Variants in GPR55 observed in about 807,000 individuals in gnomAD.
GPR55 encodes the protein G-protein coupled receptor 55.
GPR55 carries 6 observed loss-of-function variants against 7.9 expected under a neutral mutation model. That is an observed-to-expected ratio of 0.76 (90% CI 0.41 to 1.49). The LOEUF is 1.49. Ranked by LOEUF, GPR55 falls within the 40% of genes most tolerant of loss-of-function variation. The pLI, the probability that GPR55 is intolerant of heterozygous loss-of-function variation, is 0.01. For missense variants in GPR55, 376 were observed against 406.0 expected, an observed-to-expected ratio of 0.93 and a Z score of 0.63; for synonymous variants, 183 against 166.8, an observed-to-expected ratio of 1.10 and a Z score of -0.75.
chr2:230,924,177 C>T lies in GPR55; in HGVS notation c.-135+991G>A, dbSNP rs1411357866. Among the ~76,000 whole-genome samples the T allele has an allele frequency of 6.6e-6, 1 of 152,184 alleles. No individual in the cohort carries two copies. Among genetic ancestry groups the T allele is most frequent in the Non-Finnish European group, 1.5e-5 (1 of 68,032 alleles). ...ACATACAGTTTGTCGTTGGGAAGGT[C>T]TTATTGCATGAAAGAGGGGGTGAAG... On this transcript the variant is annotated intron_variant, in intron 1 of 1. Transcript: ENST00000650999. The surrounding 1 kb of genome is among the most constrained non-coding windows in gnomAD (Gnocchi z 4.5).
Position 230,924,942 on chromosome 2 carries a change from C to T in GPR55, c.-135+226G>A, listed in dbSNP as rs908269606. Among the ~76,000 whole-genome samples, 3 of 152,094 alleles carry T rather than the reference C, an allele frequency of 2.0e-5. No individual in the cohort carries two copies. The highest frequency in any genetic ancestry group is 4.8e-5 in the African/African-American group (2 of 41,398). ...TTCGTAGAAAAATGTCACTCGTAAT[C>T]GGGGACAAACCAGGTCTGCCTGCCG... On this transcript the variant is annotated intron_variant, in intron 1 of 1. Transcript: ENST00000650999. The surrounding 1 kb of genome is among the most constrained non-coding windows in gnomAD (Gnocchi z 4.5).
At chr2:230,938,516 T>C (rs976010207) in intron 1 of GPR55, among the ~76,000 whole-genome samples, 1 of 152,202 alleles carries the variant, frequency 6.6e-6, no homozygotes, top group Non-Finnish European at 1.5e-5. Flanking sequence ...TAGAAAAATA[T>C]TGGTATTTCC....
rs1333239560 is a variant in GPR55 at position 230,925,155 on chromosome 2, C to G, written c.-135+13G>C. The G allele has an allele frequency of 1.3e-5, 2 of 152,718 alleles. No homozygotes were observed. Among genetic ancestry groups the G allele is most frequent in the African/African-American group, 4.8e-5 (2 of 41,420 alleles). The allele number at this position is 152,718 out of a possible 1,614,324, so 9.5% of individuals were successfully genotyped here. ...CGTGCCTTAGTTTCTCTAAATGGCC[C>G]AGAGGCTGTTACCTGTTGGTGGTCC... On this transcript the variant is annotated intron_variant, in intron 1 of 1. Transcript: ENST00000650999.
upstream of GPR55, among the ~76,000 whole-genome samples, chr2:230,927,747 CTG>C (rs1690966763): frequency 6.6e-6 from 1 of 152,246 alleles, no homozygotes; most frequent in Admixed American, 6.5e-5. Flanking sequence ...GTGAATCTGA[CTG>C]TGTTTATCAA....
chr2:230,951,678 C>G (rs1691405288), intron 1 of GPR55, among the ~76,000 whole-genome samples: 1 of 152,054 alleles, frequency 6.6e-6, no homozygotes, highest in Non-Finnish European at 1.5e-5. Flanking sequence ...ATCTTGACAA[C>G]TGAGGGTAAG....
chr2:230,936,068 A>G (rs1354593323), intron 1 of GPR55, among the ~76,000 whole-genome samples: 6 of 152,204 alleles, frequency 3.9e-5, no homozygotes, highest in Non-Finnish European at 7.3e-5. Context: ...AATATTAAAG[A>G]GGTTGGCAGA....
Position 230,909,031 on chromosome 2 carries a change from A to G in GPR55, c.*972T>C, listed in dbSNP as rs1037911324. The stretch of plus-strand genomic sequence containing the variant: ...AAGACAGCACCTCCTCCACCCTCCT[A>G]TGGTGGAACCAAGGCAGGCCTGATT... On this transcript the variant is annotated 3_prime_UTR_variant, in exon 2 of 2. Coordinates refer to ENST00000650999, the MANE Select transcript of GPR55 (RefSeq NM_005683.4). 1 of 152,192 alleles carries G rather than the reference A, an allele frequency of 6.6e-6. No individual in the cohort carries two copies. The highest frequency in any genetic ancestry group is 2.4e-5 in the African/African-American group (1 of 41,438). 9.4% of individuals were successfully genotyped at this position (152,192 alleles called of 1,614,324 possible).
chr2:230,959,420 G>A (rs1301119357), intron 1 of GPR55, among the ~76,000 whole-genome samples: 2 of 152,122 alleles, frequency 1.3e-5, no homozygotes, highest in Admixed American at 6.5e-5. Flanking sequence ...CTGCACTCCA[G>A]CCTGGGCAAC....
chr2:230,909,892 C>T lies in GPR55; in HGVS notation c.*111G>A. On this transcript the variant is annotated 3_prime_UTR_variant, in exon 2 of 2. Transcript: ENST00000650999. ...ACTCAATGGGCATCAAAGGGAAGCA[C>T]ATCAGTGAAGATGGTGCGGATCATC... 9.0e-7 allele frequency: 1 copy of T among 1,105,450 alleles called. No homozygotes were observed. The highest frequency in any genetic ancestry group is 1.3e-6 in the Non-Finnish European group (1 of 758,406). The allele number at this position is 1,105,450 out of a possible 1,614,324, so 68.5% of individuals were successfully genotyped here. A position where few individuals can be genotyped will look rare whatever the true frequency, so the allele number is the denominator to read the frequency against.
intron 1 of GPR55, among the ~76,000 whole-genome samples, chr2:230,931,588 G>T (rs182654766): frequency 6.6e-6 from 1 of 152,104 alleles, no homozygotes; most frequent in Non-Finnish European, 1.5e-5. Flanking sequence ...TTGGCAACTC[G>T]CCTGATAAGC....
chr2:230,931,202 A>G (rs1420266241), intron 1 of GPR55, among the ~76,000 whole-genome samples: 1 of 152,210 alleles, frequency 6.6e-6, no homozygotes, highest in African/African-American at 2.4e-5. Flanking sequence ...CTCCACCCCA[A>G]GTCCTCCCGA....
intron 1 of GPR55, among the ~76,000 whole-genome samples, chr2:230,934,924 C>G (rs1224656541): frequency 1.3e-5 from 2 of 152,112 alleles, no homozygotes; most frequent in Admixed American, 1.3e-4. Context: ...CCCCCACCCC[C>G]ACCCAGGACC....
chr2:230,929,707 A>G (rs1280854729), upstream of GPR55: 1 of 152,212 alleles, frequency 6.6e-6, no homozygotes, highest in Non-Finnish European at 1.5e-5. Flanking sequence ...TTCAAATGCA[A>G]TGGTTGTCTT....
intron 1 of GPR55, among the ~76,000 whole-genome samples, chr2:230,934,596 C>T (rs1447957598): frequency 1.3e-5 from 2 of 152,220 alleles, no homozygotes; most frequent in Non-Finnish European, 2.9e-5. Flanking sequence ...CCGGGGCCCA[C>T]TCCATGCTGA....
intron 1 of GPR55, among the ~76,000 whole-genome samples, chr2:230,943,724 C>CCT (rs142894957): frequency 0.019 from 2,844 of 152,222 alleles, 83 homozygotes; most frequent in African/African-American, 0.065. Context: ...TTGGTGCTGT[C>CCT]CTCTCAGCAG....
At chr2:230,919,703 G>C (rs571673243) in intron 1 of GPR55, among the ~76,000 whole-genome samples, 1 of 152,242 alleles carries the variant, frequency 6.6e-6, no homozygotes, top group South Asian at 2.1e-4. Context: ...AAGAAAAATT[G>C]TGTACAAAAA....
chr2:230,910,636 G>A lies in GPR55; in HGVS notation c.327C>T (p.Val109=), dbSNP rs376341001. The A allele has an allele frequency of 2.8e-5, 45 of 1,613,850 alleles. No individual in the cohort carries two copies. The highest frequency in any genetic ancestry group is 3.3e-4 in the Middle Eastern group (2 of 6,084). The change falls in exon 2 of 2, where the codon GTC becomes GTT. Residue 109 remains valine, a synonymous_variant. Transcript: ENST00000650999. The surrounding 1 kb of genome is among the most constrained non-coding windows in gnomAD (Gnocchi z 5.4). ...CCATGCTGATGAAGCAGATGGTGAA[G>A]ACGCTTCCGTACATGCTGACGAAGT... ...CLYFVSMYGS[V]FTICFISMDR...
At chr2:230,940,697 A>C (rs1691212351) in intron 1 of GPR55, among the ~76,000 whole-genome samples, 1 of 152,154 alleles carries the variant, frequency 6.6e-6, no homozygotes, top group Admixed American at 6.5e-5. Context: ...GCCTCGCCCC[A>C]GCTGGGCAGG....
At chr2:230,922,763 C>T (rs765663614) in intron 1 of GPR55, among the ~76,000 whole-genome samples, 3 of 152,090 alleles carry the variant, frequency 2.0e-5, no homozygotes, top group Non-Finnish European at 4.4e-5. Context: ...TTCGTAGATA[C>T]AGCGTTTCTC....
Sources: gnomAD v4.1 joint callset for allele counts (sites outside exome capture counted in the v4.1 genomes callset) on GRCh38, gnomAD v4.1.1 for gene constraint, Gnocchi (gnomAD v3.1) non-coding constraint, MANE v1.5 for transcripts, NCBI Gene and HGNC (gene_info 2026-07-23, HGNC 2026-07-21) for gene names.